The following ARNT2 variants were observed in gnomAD, a reference collection of about 807,000 sequenced individuals.
ARNT2 encodes aryl hydrocarbon receptor nuclear translocator 2.
In ARNT2, 36 loss-of-function variants were observed where a neutral mutation model predicts 91.7. The ratio of observed to expected loss-of-function variants is 0.39; its 90% CI spans 0.30 to 0.52. The LOEUF (loss-of-function observed/expected upper bound fraction) is 0.52. Among genes scored for constraint, ARNT2 ranks in the 20% least tolerant of loss-of-function variants. The pLI, the probability that ARNT2 is intolerant of heterozygous loss-of-function variation, is 0.72. For synonymous variants in ARNT2, 365 were observed against 347.1 expected (o/e 1.05, Z -0.57); for missense variants, 775 against 939.3 (o/e 0.83, Z 2.29).
Position 80,480,391 on chromosome 15 carries a change from T to A in ARNT2, c.622+5168T>A, listed in dbSNP as rs556160642. Reference sequence around the variant, plus strand: ...TGAGCAGATTCTTTGTGCCTTCCGGTGGCCTTTCCCAGGTTCCCTCCTGTG... The same window carrying A: ...TGAGCAGATTCTTTGTGCCTTCCGGAGGCCTTTCCCAGGTTCCCTCCTGTG... On this transcript the variant is annotated intron_variant, in intron 5 of 18. Coordinates refer to ENST00000303329, the MANE Select transcript of ARNT2 (RefSeq NM_014862.4). Among the ~76,000 whole-genome samples the A allele has an allele frequency of 2.6e-5, 4 of 152,224 alleles. No individual in the cohort carries two copies. The East Asian group carries it at 7.7e-4, about 29-fold the overall frequency.
At chr15:80,474,867 A>G (rs1484049143) in intron 4 of ARNT2, 143 bp from the exon 5 acceptor site, 1 of 889,690 alleles carries the variant, frequency 1.1e-6, no homozygotes, top group Non-Finnish European at 1.8e-6. Flanking sequence ...ATTTTCCAGA[A>G]ACAAAGTTCT....
Position 80,591,848 on chromosome 15 carries a change from G to A in ARNT2, c.2055+144G>A. 7.5e-7 allele frequency: 1 copy of A among 1,339,188 alleles called. No individual in the cohort carries two copies. The highest frequency in any genetic ancestry group is 1.0e-6 in the Non-Finnish European group (1 of 995,868). 83.0% of individuals were successfully genotyped at this position (1,339,188 alleles called of 1,614,324 possible). A position where few individuals can be genotyped will look rare whatever the true frequency, so the allele number is the denominator to read the frequency against. ...CTGGGCTCGAGGGAGTCCAGGAGTA[G>A]AAAGCCCCATCCTACCCAGCCAGAA... On this transcript the variant is annotated intron_variant, in intron 18 of 18. Transcript: ENST00000303329. This position sits in a 1 kb window ranked among gnomAD's most constrained non-coding sequence, Gnocchi z 5.1.
Position 80,597,232 on chromosome 15 carries a change from T to TA in ARNT2, c.*3535dup. 1 of 518,516 alleles carries TA rather than the reference T, an allele frequency of 1.9e-6. No homozygotes were observed. The highest frequency in any genetic ancestry group is 3.8e-6 in the Non-Finnish European group (1 of 259,800). The allele number at this position is 518,516 out of a possible 1,614,324, so 32.1% of individuals were successfully genotyped here. On this transcript the variant is annotated 3_prime_UTR_variant, in exon 19 of 19. Coordinates refer to ENST00000303329, the MANE Select transcript of ARNT2 (RefSeq NM_014862.4). ...GGTCTCCCCACTCCCGGCAGCACTT[T>TA]AGGCAGCCCATAAGCTATGCGAGAA...
intron 1 of ARNT2, among the ~76,000 whole-genome samples, chr15:80,438,847 G>A (rs972688131): frequency 3.3e-5 from 5 of 152,094 alleles, no homozygotes; most frequent in South Asian, 2.1e-4. Flanking sequence ...ACGCCACCAC[G>A]CCTGGCTAAT....
chr15:80,587,984 A>G (rs1893207934), intron 17 of ARNT2, among the ~76,000 whole-genome samples: 1 of 152,178 alleles, frequency 6.6e-6, no homozygotes, highest in South Asian at 2.1e-4. Context: ...TCAACCACTA[A>G]GCAGTCTGTA....
At chr15:80,502,380 G>T (rs1595988301) in intron 5 of ARNT2, among the ~76,000 whole-genome samples, 1 of 152,342 alleles carries the variant, frequency 6.6e-6, no homozygotes, top group South Asian at 2.1e-4. Context: ...CTTCCACATG[G>T]GTGCTGAAAC....
At chr15:80,405,674 C>T (rs1489292582) in intron 1 of ARNT2, among the ~76,000 whole-genome samples, 2 of 152,024 alleles carry the variant, frequency 1.3e-5, no homozygotes, top group African/African-American at 2.4e-5. Context: ...GCATTGCAGG[C>T]GTAAGTAACA....
chr15:80,538,554 A>G (rs1046332508), intron 8 of ARNT2, among the ~76,000 whole-genome samples: 9 of 152,202 alleles, frequency 5.9e-5, no homozygotes, highest in South Asian at 4.1e-4. Flanking sequence ...AATTAAAACC[A>G]TGGCCCCACT....
chr15:80,457,919 G>A lies in ARNT2; in HGVS notation c.147-10G>A, dbSNP rs1405577827. ...ATAATCAGTGCTCACTTGTGATCTT[G>A]ACTTTTCAGAATGGACTTCGATGAT... On this transcript the variant is annotated splice_polypyrimidine_tract_variant and intron_variant, in intron 2 of 18. Coordinates refer to ENST00000303329, the MANE Select transcript of ARNT2 (RefSeq NM_014862.4). 2 of 1,613,960 alleles carry A rather than the reference G, an allele frequency of 1.2e-6. No individual in the cohort carries two copies. Among genetic ancestry groups the A allele is most frequent in the Non-Finnish European group, 1.7e-6 (2 of 1,179,938 alleles).
intron 1 of ARNT2, among the ~76,000 whole-genome samples, chr15:80,441,695 T>A (rs1293949042): frequency 6.6e-6 from 1 of 152,220 alleles, no homozygotes; most frequent in Non-Finnish European, 1.5e-5. Flanking sequence ...TCTGTAATGC[T>A]CTCAAGTTCC....
At chr15:80,435,400 C>G (rs547541076) in intron 1 of ARNT2, among the ~76,000 whole-genome samples, 2 of 152,268 alleles carry the variant, frequency 1.3e-5, no homozygotes, top group Non-Finnish European at 2.9e-5. Context: ...TTGGGTCAGT[C>G]CCTGCTTCAG....
chr15:80,588,505 G>C (rs1037651333), intron 17 of ARNT2, among the ~76,000 whole-genome samples: 1 of 151,786 alleles, frequency 6.6e-6, no homozygotes, highest in Non-Finnish European at 1.5e-5. Flanking sequence ...GTGTTTCTCT[G>C]TTGTCCCCAA....
intron 12 of ARNT2, among the ~76,000 whole-genome samples, chr15:80,569,643 C>G (rs1475181989): frequency 6.6e-6 from 1 of 152,230 alleles, no homozygotes; most frequent in Non-Finnish European, 1.5e-5. Flanking sequence ...ATACCTGCGA[C>G]CTAATTTTTC....
At chr15:80,552,084 C>A (rs894708900) in intron 9 of ARNT2, among the ~76,000 whole-genome samples, 1 of 152,190 alleles carries the variant, frequency 6.6e-6, no homozygotes, top group Non-Finnish European at 1.5e-5. Flanking sequence ...GAGAGACATA[C>A]TAGACCTGGT....
intron 12 of ARNT2, among the ~76,000 whole-genome samples, chr15:80,572,721 C>T (rs1215049322): frequency 2.0e-5 from 3 of 152,202 alleles, no homozygotes; most frequent in African/African-American, 2.4e-5. Flanking sequence ...AATCCATAAC[C>T]TTCCTAATTA....
Position 80,508,058 on chromosome 15 carries a change from A to G in ARNT2, c.623-98A>G, listed in dbSNP as rs1486746739. Reference sequence around the variant, plus strand: ...AATTTGCACAGCCACACTTGTCCTCATTTGGCAGAGCATTTGGAGAAAGCA... The same window carrying G: ...AATTTGCACAGCCACACTTGTCCTCGTTTGGCAGAGCATTTGGAGAAAGCA... On this transcript the variant is annotated intron_variant, in intron 5 of 18. Transcript: ENST00000303329. The G allele has an allele frequency of 6.0e-6, 7 of 1,163,242 alleles. No homozygotes were observed. In the African/African-American group the frequency reaches 7.6e-5, roughly 13 times the overall value. 72.1% of individuals were successfully genotyped at this position (1,163,242 alleles called of 1,614,324 possible).
chr15:80,577,069 G>T, intron 15 of ARNT2, 104 bp downstream of exon 15: 2 of 1,150,324 alleles, frequency 1.7e-6, no homozygotes, highest in East Asian at 2.4e-5. Flanking sequence ...TGAGTTAGTG[G>T]TTACTGGCGC....
chr15:80,529,421 G>T (rs901544606), intron 8 of ARNT2, among the ~76,000 whole-genome samples: 1 of 152,142 alleles, frequency 6.6e-6, no homozygotes, highest in African/African-American at 2.4e-5. Flanking sequence ...ACCCTGAAAT[G>T]CAAAGTACCT....
chr15:80,591,580 A>C lies in ARNT2; in HGVS notation c.1931A>C (p.Gln644Pro), dbSNP rs1893280663. The C allele has an allele frequency of 6.2e-7, 1 of 1,614,190 alleles. No homozygotes were observed. The highest frequency in any genetic ancestry group is 2.2e-5 in the East Asian group (1 of 44,874). ...TCGAATCTTTCAGCTGAAAGTGGAC[A>C]AAGTAGCGGGCAGTTCCAAGGGCGG... ...NRTPGFAESGQSSGQFQGRPS... is the reference protein window; with the variant it reads ...NRTPGFAESGPSSGQFQGRPS... Residue 644 changes from glutamine (Q) to proline (P), a missense_variant, in exon 18 of 19, where the codon CAA becomes CCA. Around this residue, in one of 5 missense-constraint regions of ARNT2, gnomAD observed 325 missense variants for 359.9 expected, o/e 0.90. Coordinates refer to ENST00000303329, the MANE Select transcript of ARNT2 (RefSeq NM_014862.4). The surrounding 1 kb of genome is among the most constrained non-coding windows in gnomAD (Gnocchi z 5.1).
Sources: allele counts gnomAD v4.1 joint callset (sites outside exome capture counted in the v4.1 genomes callset), GRCh38; gene constraint gnomAD v4.1.1; regional missense constraint gnomAD v4.1.1; non-coding constraint Gnocchi (gnomAD v3.1); transcripts MANE v1.5; gene names NCBI Gene and HGNC (gene_info 2026-07-23, HGNC 2026-07-21).